Variants in MIPOL1 observed in about 807,000 individuals in gnomAD.
MIPOL1 encodes mirror-image polydactyly 1, also known as mirror-image polydactyly gene 1 protein.
In MIPOL1, 57 loss-of-function variants were observed where a neutral mutation model predicts 60.9. That is an observed-to-expected ratio of 0.94 (90% CI 0.76 to 1.17). MIPOL1 has a LOEUF of 1.17. Among genes scored for constraint, MIPOL1 ranks in the 50% most tolerant of loss-of-function variants. The pLI, the probability that MIPOL1 is intolerant of heterozygous loss-of-function variation, is 0.00. For missense variants in MIPOL1, 551 were observed against 511.6 expected, an observed-to-expected ratio of 1.08 and a Z score of -0.74; for synonymous variants, 179 against 168.8, an observed-to-expected ratio of 1.06 and a Z score of -0.47.
intron 7 of MIPOL1, among the ~76,000 whole-genome samples, chr14:37,303,110 TA>T (rs904377974): frequency 6.6e-6 from 1 of 151,928 alleles, no homozygotes; most frequent in African/African-American, 2.4e-5. Flanking sequence ...TTTTATGCTT[TA>T]AAAAAATCAA....
At chr14:37,213,167 A>C (rs1966987208) in intron 1 of MIPOL1, among the ~76,000 whole-genome samples, 1 of 152,190 alleles carries the variant, frequency 6.6e-6, no homozygotes, top group African/African-American at 2.4e-5. Context: ...GATACCAAAG[A>C]AAATATACAT....
At chr14:37,356,828 A>G (rs2091880574) in intron 9 of MIPOL1, among the ~76,000 whole-genome samples, 1 of 152,140 alleles carries the variant, frequency 6.6e-6, no homozygotes, top group Non-Finnish European at 1.5e-5. Context: ...AGTGAGATGA[A>G]CCCGGTACCT....
intron 10 of MIPOL1, among the ~76,000 whole-genome samples, chr14:37,409,399 A>G (rs1394487077): frequency 6.6e-6 from 1 of 152,192 alleles, no homozygotes; most frequent in African/African-American, 2.4e-5. Flanking sequence ...ATCTGGAAAA[A>G]AAAAAGTTGC....
At chr14:37,337,690 T>C (rs933828423) in intron 9 of MIPOL1, among the ~76,000 whole-genome samples, 1 of 151,890 alleles carries the variant, frequency 6.6e-6, no homozygotes, top group Non-Finnish European at 1.5e-5. Context: ...TTTAGAGAAA[T>C]GTCTATTGTG....
chr14:37,274,199 A>G (rs2083481739), intron 6 of MIPOL1, among the ~76,000 whole-genome samples: 1 of 151,532 alleles, frequency 6.6e-6, no homozygotes, highest in Admixed American at 6.6e-5. Context: ...GCTTTTCTGC[A>G]ATATGTACCT....
chr14:37,474,278 G>A (rs565536426), intron 11 of MIPOL1, among the ~76,000 whole-genome samples: 18 of 152,236 alleles, frequency 1.2e-4, no homozygotes, highest in African/African-American at 3.1e-4. Flanking sequence ...TAAAAACCTT[G>A]GAGCATGATT....
intron 3 of MIPOL1, among the ~76,000 whole-genome samples, chr14:37,257,733 T>G (rs1298218918): frequency 1.3e-5 from 2 of 152,080 alleles, no homozygotes; most frequent in Non-Finnish European, 2.9e-5. Flanking sequence ...GGAGAAAAAT[T>G]AAAGTAGTAA....
chr14:37,208,253 G>A (rs758795156), intron 1 of MIPOL1, among the ~76,000 whole-genome samples: 3 of 152,026 alleles, frequency 2.0e-5, no homozygotes, highest in Admixed American at 6.6e-5. Context: ...TATAAGTTTC[G>A]GAAGCTGCTT....
At chr14:37,366,826 A>G (rs765687410) in intron 9 of MIPOL1, among the ~76,000 whole-genome samples, 1 of 151,968 alleles carries the variant, frequency 6.6e-6, no homozygotes, top group Non-Finnish European at 1.5e-5. Flanking sequence ...ATATATATGG[A>G]TGCTCGAATG....
chr14:37,213,304 C>T (rs563804255), intron 1 of MIPOL1, among the ~76,000 whole-genome samples: 1 of 152,212 alleles, frequency 6.6e-6, no homozygotes, highest in African/African-American at 2.4e-5. Flanking sequence ...TGAGGCCACT[C>T]AAAGAAATTC....
At chr14:37,441,862 G>A (rs1595789537) in intron 11 of MIPOL1, among the ~76,000 whole-genome samples, 1 of 152,138 alleles carries the variant, frequency 6.6e-6, no homozygotes, top group East Asian at 1.9e-4. Flanking sequence ...GGGTAGCATG[G>A]TCATTTTAAT....
At chr14:37,552,171 T>G (rs1353740865), downstream of MIPOL1, 2 of 152,238 alleles carry the variant, frequency 1.3e-5, no homozygotes, top group Non-Finnish European at 2.9e-5. Flanking sequence ...GCAAAAATTC[T>G]ATAAACTGGT....
chr14:37,317,015 T>G (rs998868321), intron 9 of MIPOL1, among the ~76,000 whole-genome samples: 2 of 151,978 alleles, frequency 1.3e-5, no homozygotes, highest in South Asian at 4.1e-4. Flanking sequence ...ATAATTGCAG[T>G]ACCAAGTCCT....
chr14:37,269,227 G>A (rs902202246), intron 5 of MIPOL1, among the ~76,000 whole-genome samples: 16 of 151,928 alleles, frequency 1.1e-4, no homozygotes, highest in South Asian at 2.1e-4. Context: ...GCAAGGCTTG[G>A]CAATATTGTC....
intron 11 of MIPOL1, among the ~76,000 whole-genome samples, chr14:37,491,708 T>A (rs182140322): frequency 0.018 from 2,737 of 152,268 alleles, 77 homozygotes; most frequent in African/African-American, 0.061. Flanking sequence ...CTTATCCAGT[T>A]TAAAATTCTT....
chr14:37,338,044 T>G (rs2153459908), intron 9 of MIPOL1, among the ~76,000 whole-genome samples: 1 of 152,096 alleles, frequency 6.6e-6, no homozygotes, highest in Middle Eastern at 3.4e-3. Flanking sequence ...TGTTGTATGG[T>G]TTACAAAAGG....
At chr14:37,431,569 C>CT (rs869258490) in intron 11 of MIPOL1, among the ~76,000 whole-genome samples, 13,358 of 63,636 alleles carry the variant, frequency 0.21, 5,497 homozygotes, top group Middle Eastern at 0.39. Context: ...ATCTCTGTTT[C>CT]TTTTTTTTTT....
rs201332192 is a variant in MIPOL1 at position 37,369,565 on chromosome 14, A to T, written c.877A>T (p.Thr293Ser). Residue 293 changes from threonine (T) to serine (S), a missense_variant, in exon 10 of 13, where the codon ACT becomes TCT. Thr to Ser is a moderately conservative substitution (Grantham distance 58, BLOSUM62 1). Coordinates refer to ENST00000684589, the MANE Select transcript of MIPOL1 (RefSeq NM_001388067.1). ...TCATCATGTGAAAGAGCAGAACCAG[A>T]CTTCAGCAAACAACATGAGACATCT... is the stretch of plus-strand genomic sequence containing the variant. ...ELHHVKEQNQ[T>S]SANNMRHLTA... is the part of the protein sequence containing the mutation. 8.7e-6 allele frequency: 14 copies of T among 1,613,582 alleles called. No homozygotes were observed. Among genetic ancestry groups the T allele is most frequent in the Admixed American group, 8.3e-5 (5 of 59,946 alleles).
At chr14:37,471,447 C>A (rs1594550549) in intron 11 of MIPOL1, among the ~76,000 whole-genome samples, 1 of 152,242 alleles carries the variant, frequency 6.6e-6, no homozygotes, top group Admixed American at 6.5e-5. Flanking sequence ...CCAAAGCTAT[C>A]CTACTCAGAG....
Sources: allele counts gnomAD v4.1 joint callset (sites outside exome capture counted in the v4.1 genomes callset), GRCh38; gene constraint gnomAD v4.1.1; transcripts MANE v1.5; gene names NCBI Gene and HGNC (gene_info 2026-07-23, HGNC 2026-07-21).